The following DNAH11 variants were observed in gnomAD, a reference collection of about 807,000 sequenced individuals.
DNAH11 encodes dynein axonemal heavy chain 11.
A neutral mutation model predicts 526.0 loss-of-function variants in DNAH11; 442 were observed. The observed-to-expected ratio is 0.84, with a 90% CI of 0.78 to 0.91. The LOEUF is 0.91. Among genes scored for constraint, DNAH11 ranks in the 40% least tolerant of loss-of-function variants. The pLI is 0.00. For missense variants in DNAH11, 6,989 were observed against 5,448.7 expected (o/e 1.28, Z -8.90); for synonymous variants, 2,461 against 1,935.9 (o/e 1.27, Z -7.12).
chr7:21,690,785 C>G lies in DNAH11; in HGVS notation c.5945C>G (p.Ala1982Gly). ...GGTAGATTTGTATTTCTTGGGGAAG[C>G]TATCACACTGAAGCCATCAGTTGGA... Reference protein sequence around the residue: ...RKKRFVFLGEAITLKPSVGIF... With the variant: ...RKKRFVFLGEGITLKPSVGIF... The change falls in exon 35 of 82, where the codon GCT (alanine) becomes GGT (glycine). Residue 1982 changes from alanine (A) to glycine (G), a missense_variant. Transcript: ENST00000409508. 2 of 1,609,084 alleles carry G rather than the reference C, an allele frequency of 1.2e-6. No individual in the cohort carries two copies. The highest frequency in any genetic ancestry group is 1.7e-6 in the Non-Finnish European group (2 of 1,177,900).
At chr7:21,691,183 T>C (rs1783606429) in intron 35 of DNAH11, among the ~76,000 whole-genome samples, 1 of 145,216 alleles carries the variant, frequency 6.9e-6, no homozygotes, top group African/African-American at 2.7e-5. Context: ...TTTTTCTTTT[T>C]TTTTTTTTAA....
chr7:21,570,456 G>T, intron 7 of DNAH11, 157 bp downstream of exon 7: 1 of 535,494 alleles, frequency 1.9e-6, no homozygotes, highest in South Asian at 3.8e-5. Context: ...ATGCTATGAT[G>T]ATACAAGGGC....
At chr7:21,630,731 C>G (rs554808357) in intron 25 of DNAH11, among the ~76,000 whole-genome samples, 34 of 152,012 alleles carry the variant, frequency 2.2e-4, no homozygotes, top group Non-Finnish European at 4.3e-4. Context: ...TGCTTCTTTT[C>G]TTTTGTTGCT....
At position 21,788,463 on chromosome 7, in the gene DNAH11, G is replaced by A. The variant is rs769279349; in HGVS notation, c.9925-778G>A. Among the ~76,000 whole-genome samples, 9 of 151,948 alleles carry A rather than the reference G, an allele frequency of 5.9e-5. No individual in the cohort carries two copies. In the South Asian group the frequency reaches 6.2e-4, roughly 11 times the overall value. On this transcript the variant is annotated intron_variant, in intron 60 of 81. Coordinates refer to ENST00000409508, the MANE Select transcript of DNAH11 (RefSeq NM_001277115.2). ...CTGCATAATAAAATGTCTCAGCCCC[G>A]TCTTCTACTTGTACAGTAGGTGAAA...
intron 56 of DNAH11, among the ~76,000 whole-genome samples, chr7:21,774,334 T>C (rs1174958398): frequency 6.6e-6 from 1 of 152,198 alleles, no homozygotes; most frequent in Admixed American, 6.5e-5. Flanking sequence ...CATCCTAGGA[T>C]GGACCAGTAT....
At chr7:21,875,013 A>G (rs944326646) in intron 74 of DNAH11, among the ~76,000 whole-genome samples, 3 of 152,212 alleles carry the variant, frequency 2.0e-5, no homozygotes, top group South Asian at 2.1e-4. Flanking sequence ...ACGTAAACCA[A>G]CATTATGAAG....
In DNAH11 at chr7:21,816,583, C is replaced by G; in HGVS notation, c.10449C>G (p.Ala3483=). ...LPSDRMSTEN[A]AILTHCERWP... The stretch of plus-strand genomic sequence containing the variant: ...GTGACAGAATGTCCACCGAAAATGC[C>G]GCTATCCTAACACACTGTGAGCGCT... The change falls in exon 64 of 82, where the codon GCC becomes GCG. Residue 3483 remains alanine, a synonymous_variant. Coordinates refer to ENST00000409508, the MANE Select transcript of DNAH11 (RefSeq NM_001277115.2). 6.2e-7 allele frequency: 1 copy of G among 1,613,486 alleles called. No individual in the cohort carries two copies. Among genetic ancestry groups the G allele is most frequent in the Non-Finnish European group, 8.5e-7 (1 of 1,179,752 alleles).
chr7:21,547,687 G>T (rs1782856656), intron 2 of DNAH11, among the ~76,000 whole-genome samples: 1 of 152,100 alleles, frequency 6.6e-6, no homozygotes, highest in Admixed American at 6.5e-5. Flanking sequence ...CTTTCTACAT[G>T]CATGAGCCAT....
chr7:21,786,953 G>C (rs1324142692), intron 59 of DNAH11, among the ~76,000 whole-genome samples, 186 bp downstream of exon 59: 1 of 152,166 alleles, frequency 6.6e-6, no homozygotes. Context: ...AGTTAGCTTG[G>C]GGTTATGGCA....
At chr7:21,578,723 C>T (rs1462363866) in intron 8 of DNAH11, among the ~76,000 whole-genome samples, 2 of 152,184 alleles carry the variant, frequency 1.3e-5, no homozygotes, top group Non-Finnish European at 1.5e-5. Context: ...TCCATACATT[C>T]TCTGAAATCT....
chr7:21,830,466 T>C (rs1790504240), intron 65 of DNAH11, among the ~76,000 whole-genome samples: 1 of 152,232 alleles, frequency 6.6e-6, no homozygotes, highest in South Asian at 2.1e-4. Flanking sequence ...CAATTGTTAC[T>C]GAGTCGATCA....
chr7:21,551,930 T>C (rs1783039789), intron 2 of DNAH11, among the ~76,000 whole-genome samples: 1 of 152,204 alleles, frequency 6.6e-6, no homozygotes, highest in Non-Finnish European at 1.5e-5. Context: ...ATCTCCTGGC[T>C]TTTGACTTAA....
rs2128051752 is a variant in DNAH11, at chr7:21,899,317, C to T, written c.13050-19C>T. On this transcript the variant is annotated intron_variant, in intron 79 of 81. Transcript: ENST00000409508. Reference sequence around the variant, plus strand: ...TTTTACTGAACAGCAAGTTTTTCTTCCTCCCTCCCATAAACCAGGTTCAAT... The same window carrying T: ...TTTTACTGAACAGCAAGTTTTTCTTTCTCCCTCCCATAAACCAGGTTCAAT... The T allele has an allele frequency of 1.2e-6, 2 of 1,603,124 alleles. No homozygotes were observed. Among genetic ancestry groups the T allele is most frequent in the Non-Finnish European group, 1.7e-6 (2 of 1,170,030 alleles).
At chr7:21,769,349 T>C (rs1787322384) in intron 55 of DNAH11, among the ~76,000 whole-genome samples, 1 of 152,130 alleles carries the variant, frequency 6.6e-6, no homozygotes, top group African/African-American at 2.4e-5. Flanking sequence ...TAAATGGAGC[T>C]ATCCCTATAA....
chr7:21,625,631 T>C (rs1310216172), intron 25 of DNAH11, among the ~76,000 whole-genome samples: 1 of 152,160 alleles, frequency 6.6e-6, no homozygotes, highest in East Asian at 1.9e-4. Context: ...TTGTAAACAC[T>C]TATTGCTAAA....
In DNAH11 at chr7:21,883,983, C is replaced by T. The variant is rs148674073; in HGVS notation, c.12388-308C>T. ...GCTGGAGCCCCAGAATTCAAGGTTG[C>T]AATGAGCTGTGATTGTGCCACTGCA... On this transcript the variant is annotated intron_variant, in intron 75 of 81. Coordinates refer to ENST00000409508, the MANE Select transcript of DNAH11 (RefSeq NM_001277115.2). 7.2e-5 allele frequency among the ~76,000 whole-genome samples: 11 copies of T among 152,216 alleles called. No homozygotes were observed. The East Asian group carries it at 2.1e-3, about 29-fold the overall frequency.
chr7:21,656,021 T>G, intron 29 of DNAH11, 40 bp downstream of exon 29: 1 of 1,530,292 alleles, frequency 6.5e-7, no homozygotes, highest in Non-Finnish European at 8.8e-7. Flanking sequence ...TAGGGGAGTA[T>G]TTTCAGCATG....
At chr7:21,803,615 G>T (rs1416381588) in intron 62 of DNAH11, among the ~76,000 whole-genome samples, 4 of 148,792 alleles carry the variant, frequency 2.7e-5, no homozygotes, top group African/African-American at 5.0e-5. Flanking sequence ...AAAAAAAAAA[G>T]TCTGGAAAAG....
At chr7:21,744,727 T>C (rs1484481956) in intron 50 of DNAH11, 128 bp downstream of exon 50, 28 of 1,431,454 alleles carry the variant, frequency 2.0e-5, no homozygotes, top group South Asian at 7.9e-5. Flanking sequence ...GAATCCAGAA[T>C]ACACTTGGTC....
Sources: allele counts gnomAD v4.1 joint callset (sites outside exome capture counted in the v4.1 genomes callset), GRCh38; gene constraint gnomAD v4.1.1; transcripts MANE v1.5; gene names NCBI Gene and HGNC (gene_info 2026-07-23, HGNC 2026-07-21).